LDLRAD4: variants seen among roughly 807,000 people sequenced by gnomAD.
The protein encoded by LDLRAD4 is low-density lipoprotein receptor class A domain-containing protein 4.
A neutral mutation model predicts 17.0 loss-of-function variants in LDLRAD4; 5 were observed. That is an observed-to-expected ratio of 0.29 (90% CI 0.15 to 0.62). The LOEUF (loss-of-function observed/expected upper bound fraction) is 0.62. Among genes scored for constraint, LDLRAD4 ranks in the 20% least tolerant of loss-of-function variants. The probability of loss-of-function intolerance (pLI) is 0.84; values close to 1 mark genes in which losing one functional copy is unlikely to be tolerated. For missense variants in LDLRAD4, 340 were observed against 424.7 expected, an observed-to-expected ratio of 0.80 and a Z score of 1.75; for synonymous variants, 168 against 171.8, an observed-to-expected ratio of 0.98 and a Z score of 0.17.
intron 1 of LDLRAD4, among the ~76,000 whole-genome samples, chr18:13,224,901 C>T (rs374152671): frequency 2.2e-4 from 33 of 151,448 alleles, no homozygotes; most frequent in East Asian, 1.9e-3. Flanking sequence ...TGATCCATCT[C>T]AGCTCACTGC....
At chr18:13,583,589 C>G (rs575969956) in intron 3 of LDLRAD4, among the ~76,000 whole-genome samples, 1 of 152,088 alleles carries the variant, frequency 6.6e-6, no homozygotes, top group African/African-American at 2.4e-5. Flanking sequence ...CATAATATCA[C>G]CACGTTCAAC....
intron 3 of LDLRAD4, among the ~76,000 whole-genome samples, chr18:13,588,331 A>G (rs1209676214): frequency 6.6e-6 from 1 of 152,164 alleles, no homozygotes; most frequent in Non-Finnish European, 1.5e-5. Context: ...TTCTGAATGG[A>G]CCAGTGGGAG....
intron 2 of LDLRAD4, among the ~76,000 whole-genome samples, chr18:13,408,951 C>T (rs1474850318): frequency 6.6e-6 from 1 of 151,890 alleles, no homozygotes; most frequent in Non-Finnish European, 1.5e-5. Flanking sequence ...AATAAGTTTA[C>T]TGAAGTGATG....
At chr18:13,373,827 T>C (rs2084695511) in intron 1 of LDLRAD4, among the ~76,000 whole-genome samples, 3 of 152,234 alleles carry the variant, frequency 2.0e-5, no homozygotes, top group South Asian at 4.1e-4. Flanking sequence ...TTGTACATTT[T>C]CATTTAGACT....
chr18:13,650,635 T>C (rs2043207831), exon 6 of LDLRAD4: 1 of 341,446 alleles, frequency 2.9e-6, no homozygotes, highest in South Asian at 1.5e-4. Context: ...TATGTTTTTA[T>C]TTGTAAGGTG....
chr18:13,383,023 C>A (rs1599818819), intron 1 of LDLRAD4, among the ~76,000 whole-genome samples: 1 of 152,162 alleles, frequency 6.6e-6, no homozygotes, highest in African/African-American at 2.4e-5. Flanking sequence ...CACTTGTAAT[C>A]ATCATCTCAA....
chr18:13,643,575 G>A (rs2042810280), intron 5 of LDLRAD4, among the ~76,000 whole-genome samples, 163 bp downstream of exon 6: 1 of 152,194 alleles, frequency 6.6e-6, no homozygotes, highest in Admixed American at 6.5e-5. Context: ...AAGCGGGAGG[G>A]GACTTCCCCT....
chr18:13,404,169 G>T (rs567123771), intron 2 of LDLRAD4, among the ~76,000 whole-genome samples: 1 of 152,224 alleles, frequency 6.6e-6, no homozygotes, highest in Non-Finnish European at 1.5e-5. Context: ...GCTGGGAGGC[G>T]CCCTGGAGGA....
intron 3 of LDLRAD4, among the ~76,000 whole-genome samples, chr18:13,552,616 C>T (rs2094445972): frequency 6.6e-6 from 1 of 152,202 alleles, no homozygotes; most frequent in Non-Finnish European, 1.5e-5. Context: ...CCCTCCACTT[C>T]CTAACGACGG....
chr18:13,496,029 G>A (rs2093462537), intron 3 of LDLRAD4, among the ~76,000 whole-genome samples: 1 of 152,134 alleles, frequency 6.6e-6, no homozygotes, highest in Admixed American at 6.5e-5. Context: ...CACCCGCCTG[G>A]CCTCCCTTCT....
rs558301462 is a variant in LDLRAD4, at chr18:13,234,004, T to C, written c.-467+15016T>C. On this transcript the variant is annotated intron_variant, in intron 1 of 5. Transcript: ENST00000399848. ...CTCAGACACTTCTTTCGTCACCTTT[T>C]CCCATGGCCCAGTGCATGTTTGAAA... 4.5e-4 allele frequency among the ~76,000 whole-genome samples: 68 copies of C among 152,280 alleles called. 1 individual carries two copies. Among genetic ancestry groups the C allele is most frequent in the Admixed American group, 1.2e-3 (18 of 15,302 alleles).
At chr18:13,268,613 T>A (rs757004639) in intron 1 of LDLRAD4, among the ~76,000 whole-genome samples, 2 of 152,222 alleles carry the variant, frequency 1.3e-5, no homozygotes, top group African/African-American at 4.8e-5. Context: ...TTCGCTGCTT[T>A]CTTAAAGGCT....
intron 1 of LDLRAD4, among the ~76,000 whole-genome samples, chr18:13,219,497 T>G (rs1002647399): frequency 7.2e-5 from 11 of 152,188 alleles, no homozygotes; most frequent in Non-Finnish European, 1.3e-4. Context: ...AAATGTTAAT[T>G]ACCATTGCAA....
In LDLRAD4 at chr18:13,519,774, A is replaced by G. The variant is rs570408606; in HGVS notation, c.181+81390A>G. 2.6e-5 allele frequency: 4 copies of G among 152,300 alleles called. No homozygotes were observed. In the South Asian group the frequency reaches 6.2e-4, roughly 24 times the overall value. 9.4% of individuals were successfully genotyped at this position (152,300 alleles called of 1,614,324 possible). ...GAAGGAGACTGTGTCTCTAAAAAAC[A>G]AAAAAGTGGAAATGAAATTTTCCAC... On this transcript the variant is annotated intron_variant, in intron 3 of 5. Transcript: ENST00000359446.
At chr18:13,453,147 C>G (rs938443095) in intron 3 of LDLRAD4, among the ~76,000 whole-genome samples, 4 of 152,186 alleles carry the variant, frequency 2.6e-5, no homozygotes, top group Non-Finnish European at 5.9e-5. Flanking sequence ...AAGCAGGACC[C>G]CGGTATCTTG....
chr18:13,325,720 C>G (rs1194004322), intron 1 of LDLRAD4, among the ~76,000 whole-genome samples: 1 of 152,172 alleles, frequency 6.6e-6, no homozygotes, highest in African/African-American at 2.4e-5. Flanking sequence ...CCAGTTTCCT[C>G]ATCTGTAATG....
intron 3 of LDLRAD4, chr18:13,611,847 C>T: frequency 1.0e-6 from 1 of 985,386 alleles, no homozygotes; most frequent in Non-Finnish European, 1.2e-6. Context: ...CACGCCTTGC[C>T]AGTACAGAGC....
chr18:13,311,544 G>C (rs2047233643), intron 1 of LDLRAD4, among the ~76,000 whole-genome samples: 1 of 152,210 alleles, frequency 6.6e-6, no homozygotes, highest in African/African-American at 2.4e-5. Context: ...GCCACACTGG[G>C]CAATGTTTCC....
chr18:13,574,100 T>G (rs2094732476), intron 3 of LDLRAD4, among the ~76,000 whole-genome samples: 1 of 152,198 alleles, frequency 6.6e-6, no homozygotes, highest in Non-Finnish European at 1.5e-5. Flanking sequence ...TAACTCTTGG[T>G]CGTTCCACTT....
Sources: gnomAD v4.1 joint callset for allele counts (sites outside exome capture counted in the v4.1 genomes callset) on GRCh38, gnomAD v4.1.1 for gene constraint, MANE v1.5 for transcripts, NCBI Gene and HGNC (gene_info 2026-07-23, HGNC 2026-07-21) for gene names.